Variants in SDE2 observed in about 807,000 individuals in gnomAD.
The protein encoded by SDE2 is splicing regulator SDE2.
SDE2 carries 31 observed loss-of-function variants against 46.9 expected under a neutral mutation model. The observed-to-expected ratio is 0.66, with a 90% CI of 0.50 to 0.89. SDE2 has a LOEUF of 0.89. Ranked by LOEUF, SDE2 falls within the 40% of genes least tolerant of loss-of-function variation. SDE2 has a pLI of 0.00. For missense variants in SDE2, 542 were observed against 564.4 expected, an observed-to-expected ratio of 0.96 and a Z score of 0.40; for synonymous variants, 205 against 204.3, an observed-to-expected ratio of 1.00 and a Z score of -0.03.
intron 5 of SDE2, among the ~76,000 whole-genome samples, chr1:225,989,055 T>C (rs147583559): frequency 0.014 from 2,160 of 152,122 alleles, 50 homozygotes; most frequent in African/African-American, 0.049. Context: ...TCCCAGCACA[T>C]TGGGAGGCCG....
chr1:225,988,065 T>C lies in SDE2; in HGVS notation c.965A>G (p.Lys322Arg), dbSNP rs1305060312. ...TATGGGTTCTTTACTCTCTGCCTTC[T>C]TCTCCTGGGTCTCTTCTGTTTCTGT... is the stretch of plus-strand genomic sequence containing the variant. ...MVTETEETQE[K>R]KAESKEPIEE... is the part of the protein sequence containing the mutation. Residue 322 changes from lysine to arginine, a missense_variant, in exon 6 of 7, where the codon AAG (lysine) becomes AGG (arginine). Physicochemically the swap from Lys to Arg is conservative, Grantham distance 26. Around this residue, in one of 3 missense-constraint regions of SDE2, gnomAD observed 401 missense variants for 437.8 expected, o/e 0.92. Transcript: ENST00000272091. 1 of 1,614,090 alleles carries C rather than the reference T, an allele frequency of 6.2e-7. No homozygotes were observed. Among genetic ancestry groups the C allele is most frequent in the East Asian group, 2.2e-5 (1 of 44,894 alleles).
At position 225,996,820 on chromosome 1, in the gene SDE2, A is replaced by C. The variant is rs145075863; in HGVS notation, c.121-1437T>G. On this transcript the variant is annotated intron_variant, in intron 1 of 6. Transcript: ENST00000272091. ...GGTTCAAAATAAAGCAGGACTGTATATAAAAACGTCAACATCAGATCTGGA... is the reference window on the plus strand; with the variant it reads ...GGTTCAAAATAAAGCAGGACTGTATCTAAAAACGTCAACATCAGATCTGGA... Among the ~76,000 whole-genome samples the C allele has an allele frequency of 7.2e-5, 11 of 152,344 alleles. No individual in the cohort carries two copies. In the East Asian group the frequency reaches 2.1e-3, roughly 29 times the overall value.
intron 1 of SDE2, among the ~76,000 whole-genome samples, chr1:225,997,493 A>G (rs1223110067): frequency 1.3e-5 from 2 of 152,150 alleles, no homozygotes; most frequent in Non-Finnish European, 2.9e-5. Flanking sequence ...GCAATGGCTC[A>G]ATCTCGGCTC....
rs369227171 is a variant in SDE2, at chr1:225,989,855, C to T, written c.641+1388G>A. Among the ~76,000 whole-genome samples the T allele has an allele frequency of 4.6e-5, 7 of 152,176 alleles. No homozygotes were observed. The East Asian group carries it at 7.7e-4, about 17-fold the overall frequency. On this transcript the variant is annotated intron_variant, in intron 5 of 6. Transcript: ENST00000272091. ...CTTTGCGAGGCTGAGGCGCGAGGAT[C>T]ACCTGCTCAGGAGTTTGAGACCAGC...
chr1:225,988,431 T>C, intron 5 of SDE2, 43 bp from the exon 6 acceptor site: 2 of 1,600,624 alleles, frequency 1.2e-6, no homozygotes, highest in Non-Finnish European at 1.7e-6. Context: ...TTGTAGCTTC[T>C]ATTTAAAGCA....
Position 225,988,164 on chromosome 1 carries a change from G to A in SDE2, c.866C>T (p.Ser289Phe), listed in dbSNP as rs776612834. 17 of 1,614,156 alleles carry A rather than the reference G, an allele frequency of 1.1e-5. No individual in the cohort carries two copies. The highest frequency in any genetic ancestry group is 1.2e-5 in the Non-Finnish European group (14 of 1,180,020). ...PEQLQIPVTDSGRHILEDSCA... is the reference protein window; with the variant it reads ...PEQLQIPVTDFGRHILEDSCA... ...TGAGTCTTCTAAAATATGCCTCCCA[G>A]AGTCAGTCACCGGGATCTGCAGTTG... Residue 289 changes from serine to phenylalanine, a missense_variant, in exon 6 of 7, where the codon TCT becomes TTT. Physicochemically the swap from Ser to Phe is radical, Grantham distance 155. Coordinates refer to ENST00000272091, the MANE Select transcript of SDE2 (RefSeq NM_152608.4).
At chr1:225,993,107 CTTTCTTTCT>C in intron 2 of SDE2, 105 bp from the exon 3 acceptor site, 1 of 223,568 alleles carries the variant, frequency 4.5e-6, no homozygotes, top group Non-Finnish European at 8.0e-6. Flanking sequence ...ATGATCTCTA[CTTTCTTTCT>C]TTTTTTTTTT....
chr1:225,996,664 T>C (rs760589684), intron 1 of SDE2, among the ~76,000 whole-genome samples: 12 of 152,200 alleles, frequency 7.9e-5, no homozygotes, highest in Non-Finnish European at 1.8e-4. Flanking sequence ...AACTTACTGA[T>C]TCACTGCAAC....
At position 225,985,265 on chromosome 1, in the gene SDE2, G is replaced by A. The variant is rs889637392; in HGVS notation, c.*37C>T. The A allele has an allele frequency of 1.3e-6, 2 of 1,493,558 alleles. No homozygotes were observed. Among genetic ancestry groups the A allele is most frequent in the African/African-American group, 2.8e-5 (2 of 72,532 alleles). 92.5% of individuals were successfully genotyped at this position (1,493,558 alleles called of 1,614,324 possible). A position where few individuals can be genotyped will look rare whatever the true frequency, so the allele number is the denominator to read the frequency against. On this transcript the variant is annotated 3_prime_UTR_variant, in exon 7 of 7. Transcript: ENST00000272091. ...CACATTATGCAGGTTGTAAATGGTA[G>A]ACACTATAAACAAATAGGAATCAGC...
chr1:225,996,007 A>T (rs1656515513), intron 1 of SDE2, among the ~76,000 whole-genome samples: 1 of 152,138 alleles, frequency 6.6e-6, no homozygotes, highest in South Asian at 2.1e-4. Context: ...GTAAAAGCCC[A>T]CTCTGGACCA....
At position 225,991,244 on chromosome 1, in the gene SDE2, A is replaced by T; in HGVS notation, c.640T>A (p.Trp214Arg). The change falls in exon 5 of 7, where the codon TGG becomes AGG. Residue 214 changes from tryptophan (W) to arginine (R), a missense_variant and splice_region_variant. This residue lies in a region of SDE2 where 401 missense variants were observed against 437.8 expected (regional missense o/e 0.92). Transcript: ENST00000272091. ...TGGGAACGAAAGTGAAACACTTACC[A>T]GAAGCATCTCCTCTTTCCCGCACTG... is the stretch of plus-strand genomic sequence containing the variant. ...GASAGKRRCF[W>R]LGMEGLETAE... The T allele has an allele frequency of 6.2e-7, 1 of 1,613,140 alleles. No homozygotes were observed. Among genetic ancestry groups the T allele is most frequent in the Non-Finnish European group, 8.5e-7 (1 of 1,179,286 alleles).
In SDE2 at chr1:225,988,146, T is replaced by C. The variant is rs772298701; in HGVS notation, c.884A>G (p.Glu295Gly). 6.2e-7 allele frequency: 1 copy of C among 1,614,194 alleles called. No individual in the cohort carries two copies. ...PVTDSGRHIL[E>G]DSCAELGESK... ...CTCCCCCAGCTCAGCACATGAGTCT[T>C]CTAAAATATGCCTCCCAGAGTCAGT... Residue 295 changes from glutamate to glycine, a missense_variant, in exon 6 of 7, where the codon GAA becomes GGA. Glu to Gly is a moderately conservative substitution (Grantham distance 98, BLOSUM62 -2). Around this residue, in one of 3 missense-constraint regions of SDE2, gnomAD observed 401 missense variants for 437.8 expected, o/e 0.92. Coordinates refer to ENST00000272091, the MANE Select transcript of SDE2 (RefSeq NM_152608.4).
chr1:225,989,582 T>G (rs1656347899), intron 5 of SDE2, among the ~76,000 whole-genome samples: 1 of 151,430 alleles, frequency 6.6e-6, no homozygotes, highest in Non-Finnish European at 1.5e-5. Context: ...TAAGCCGAGA[T>G]TGTGCCATTG....
rs1656248687 is a variant in SDE2, at chr1:225,985,444, T to C, written c.1214A>G (p.Lys405Arg). The change falls in exon 7 of 7, where the codon AAA (lysine) becomes AGA (arginine). Residue 405 changes from lysine to arginine, a missense_variant. Physicochemically the swap from Lys to Arg is conservative, Grantham distance 26 (BLOSUM62 2). Around this residue, in one of 3 missense-constraint regions of SDE2, gnomAD observed 401 missense variants for 437.8 expected, o/e 0.92. Coordinates refer to ENST00000272091, the MANE Select transcript of SDE2 (RefSeq NM_152608.4). ...ELELLGLEKL[K>R]CELMALGLKC... ...CAGTCCAAGGGCCATCAGTTCACAT[T>C]TGAGCTTCTCCAAACCCAGCAACTC... 3.7e-6 allele frequency: 6 copies of C among 1,614,168 alleles called. No homozygotes were observed. The highest frequency in any genetic ancestry group is 5.1e-6 in the Non-Finnish European group (6 of 1,179,988).
chr1:225,992,653 C>T, intron 3 of SDE2, 86 bp from the exon 4 acceptor site: 1 of 903,562 alleles, frequency 1.1e-6, no homozygotes, highest in Non-Finnish European at 1.7e-6. Flanking sequence ...CGAATTAATG[C>T]ACTTGTTCAT....
Position 225,988,059 on chromosome 1 carries a change from G to A in SDE2, c.971C>T (p.Ala324Val). The change falls in exon 6 of 7, where the codon GCA becomes GTA. Residue 324 changes from alanine (A) to valine (V), a missense_variant. Ala to Val is a moderately conservative substitution (Grantham distance 64). Around this residue, in one of 3 missense-constraint regions of SDE2, gnomAD observed 401 missense variants for 437.8 expected, o/e 0.92. Coordinates refer to ENST00000272091, the MANE Select transcript of SDE2 (RefSeq NM_152608.4). ...TETEETQEKK[A>V]ESKEPIEEEP... ...CTCTTCTATGGGTTCTTTACTCTCT[G>A]CCTTCTTCTCCTGGGTCTCTTCTGT... 6.2e-7 allele frequency: 1 copy of A among 1,614,028 alleles called. No homozygotes were observed. Among genetic ancestry groups the A allele is most frequent in the Non-Finnish European group, 8.5e-7 (1 of 1,179,978 alleles).
In SDE2 at chr1:225,985,304, AT is replaced by A; in HGVS notation, c.1353del (p.Lys451AsnfsTer7). 6.2e-7 allele frequency: 1 copy of A among 1,612,538 alleles called. No individual in the cohort carries two copies. Among genetic ancestry groups the A allele is most frequent in the Non-Finnish European group, 8.5e-7 (1 of 1,178,514 alleles). Reference sequence around the variant, plus strand: ...ATAGGAATCAGCTCTGATGATACTCATTTTTTCTTCCCTTTCAAAGGCTTGG... The same window carrying A: ...ATAGGAATCAGCTCTGATGATACTCATTTTTCTTCCCTTTCAAAGGCTTGG... ...LFAKPLKGKK[K>X] On this transcript the variant is annotated frameshift_variant, in exon 7 of 7. Coordinates refer to ENST00000272091, the MANE Select transcript of SDE2 (RefSeq NM_152608.4). LOFTEE classifies it high-confidence loss of function.
rs1298878048 is a variant in SDE2, at chr1:225,983,872, G to A, written c.*1430C>T. The A allele has an allele frequency of 6.6e-6, 1 of 151,628 alleles. No homozygotes were observed. Among genetic ancestry groups the A allele is most frequent in the African/African-American group, 2.4e-5 (1 of 41,256 alleles). 9.4% of individuals were successfully genotyped at this position (151,628 alleles called of 1,614,324 possible). A position where few individuals can be genotyped will look rare whatever the true frequency, so the allele number is the denominator to read the frequency against. ...ATCAGCAACAAGAAGATATTAAGAG[G>A]AAAAAAAACAAATGTTTGCTGATCA... On this transcript the variant is annotated 3_prime_UTR_variant, in exon 7 of 7. Coordinates refer to ENST00000272091, the MANE Select transcript of SDE2 (RefSeq NM_152608.4).
Position 225,994,366 on chromosome 1 carries a change from G to A in SDE2, c.238+900C>T, listed in dbSNP as rs147521675. ...GCTGGGATTACAGGCGTGAGCCACC[G>A]TGCCCAGCCCACGCTTCATTCTTAA... is the stretch of plus-strand genomic sequence containing the variant. On this transcript the variant is annotated intron_variant, in intron 2 of 6. Transcript: ENST00000272091. Among the ~76,000 whole-genome samples, 677 of 152,284 alleles carry A rather than the reference G, an allele frequency of 4.4e-3. 6 individuals are homozygous for A. The highest frequency in any genetic ancestry group is 0.016 in the African/African-American group (652 of 41,580).
Sources: gnomAD v4.1 joint callset for allele counts (sites outside exome capture counted in the v4.1 genomes callset) on GRCh38, gnomAD v4.1.1 for gene constraint, gnomAD v4.1.1 regional missense constraint, MANE v1.5 for transcripts, NCBI Gene and HGNC (gene_info 2026-07-23, HGNC 2026-07-21) for gene names.